Variants in DOCK2 observed in about 807,000 individuals in gnomAD.
The protein encoded by DOCK2 is dedicator of cytokinesis 2, also known as dedicator of cytokinesis protein 2.
A neutral mutation model predicts 248.9 loss-of-function variants in DOCK2; 87 were observed. The observed-to-expected ratio is 0.35, with a 90% CI of 0.29 to 0.42. The LOEUF is 0.42. Ranked by LOEUF, DOCK2 falls within the 10% of genes least tolerant of loss-of-function variation. The probability of loss-of-function intolerance (pLI) is 1.00; values close to 1 mark genes in which losing one functional copy is unlikely to be tolerated. For synonymous variants in DOCK2, 805 were observed against 821.6 expected (o/e 0.98, Z 0.35); for missense variants, 1,747 against 2,300.2 (o/e 0.76, Z 4.92).
chr5:169,968,782 A>T (rs1220685897), intron 27 of DOCK2, among the ~76,000 whole-genome samples: 1 of 152,200 alleles, frequency 6.6e-6, no homozygotes. Flanking sequence ...AAGGAGGAAG[A>T]ATTGAGTGTG....
chr5:169,966,297 CG>C (rs1777299263), intron 27 of DOCK2, among the ~76,000 whole-genome samples: 1 of 151,548 alleles, frequency 6.6e-6, no homozygotes. Context: ...TTTTGGGGGG[CG>C]GGGGTTGAGG....
chr5:169,810,635 G>C (rs1317258508), intron 26 of DOCK2, among the ~76,000 whole-genome samples: 1 of 152,160 alleles, frequency 6.6e-6, no homozygotes, highest in Non-Finnish European at 1.5e-5. Flanking sequence ...TATCATGCCA[G>C]CTCAAATGAC....
At chr5:170,011,028 C>T (rs1042496247) in intron 32 of DOCK2, among the ~76,000 whole-genome samples, 3 of 152,174 alleles carry the variant, frequency 2.0e-5, no homozygotes, top group South Asian at 4.1e-4. Flanking sequence ...CACAGAACAT[C>T]GGAGCTGGAA....
intron 27 of DOCK2, among the ~76,000 whole-genome samples, chr5:169,908,107 A>T (rs761416800): frequency 2.6e-5 from 4 of 152,214 alleles, no homozygotes; most frequent in Non-Finnish European, 4.4e-5. Context: ...GGGAAAGCCC[A>T]ATGTATTCTG....
chr5:169,713,059 C>T lies in DOCK2; in HGVS notation c.1659+836C>T, dbSNP rs79354224. ...GTGGGATGCATGGCAAACACAGCCT[C>T]GTCAAGGCTTCATCTCATAGTACTC... On this transcript the variant is annotated intron_variant, in intron 17 of 51. Transcript: ENST00000520908. Among the ~76,000 whole-genome samples the T allele has an allele frequency of 6.2e-3, 947 of 152,342 alleles. 8 individuals carry two copies. The highest frequency in any genetic ancestry group is 0.022 in the African/African-American group (906 of 41,582).
intron 27 of DOCK2, among the ~76,000 whole-genome samples, chr5:169,973,370 G>A (rs1218201243): frequency 1.3e-5 from 2 of 152,174 alleles, no homozygotes; most frequent in Non-Finnish European, 1.5e-5. Flanking sequence ...TGTTCCTGGT[G>A]AATCAGGAAT....
intron 26 of DOCK2, among the ~76,000 whole-genome samples, chr5:169,822,117 G>A (rs918977084): frequency 6.6e-6 from 1 of 152,196 alleles, no homozygotes; most frequent in African/African-American, 2.4e-5. Flanking sequence ...AGATCATAAA[G>A]CAAGTCCTTA....
intron 2 of DOCK2, among the ~76,000 whole-genome samples, chr5:169,667,185 T>G (rs1758784705): frequency 6.6e-6 from 1 of 152,030 alleles, no homozygotes; most frequent in Non-Finnish European, 1.5e-5. Context: ...TTTTGGTGGA[T>G]TTTAGTGACC....
intron 26 of DOCK2, among the ~76,000 whole-genome samples, chr5:169,830,445 A>G (rs1769152020): frequency 6.6e-6 from 1 of 152,244 alleles, no homozygotes; most frequent in Admixed American, 6.5e-5. Context: ...TGCCCAGCAC[A>G]TAGTAAGAAT....
chr5:169,916,183 T>C (rs111662635), intron 27 of DOCK2, among the ~76,000 whole-genome samples: 6,932 of 152,248 alleles, frequency 0.046, 240 homozygotes, highest in South Asian at 0.12. Flanking sequence ...ATTCTGAAAA[T>C]AGAGTCTTTT....
At chr5:170,077,913 C>T (rs1757894258) in intron 48 of DOCK2, 76 bp downstream of exon 48, 1 of 1,204,934 alleles carries the variant, frequency 8.3e-7, no homozygotes, top group East Asian at 2.5e-5. Flanking sequence ...TCTCTCTTCT[C>T]CGGCAACATC....
intron 27 of DOCK2, among the ~76,000 whole-genome samples, chr5:169,924,443 C>T (rs989256358): frequency 6.6e-6 from 1 of 152,190 alleles, no homozygotes; most frequent in Non-Finnish European, 1.5e-5. Context: ...AATCACATTT[C>T]CCTGTTGTGT....
chr5:169,708,370 C>A lies in DOCK2; in HGVS notation c.1482+103C>A, dbSNP rs146434281. ...ATAATTTATGTATTGCTTACAACAG[C>A]CGTGTGAGGTTTGTACTAATATTTC... On this transcript the variant is annotated intron_variant, in intron 15 of 51. Transcript: ENST00000520908. The A allele has an allele frequency of 1.0e-4, 116 of 1,140,944 alleles. No homozygotes were observed. In the Middle Eastern group the frequency reaches 1.4e-3, roughly 14 times the overall value. 70.7% of individuals were successfully genotyped at this position (1,140,944 alleles called of 1,614,324 possible).
intron 8 of DOCK2, among the ~76,000 whole-genome samples, chr5:169,688,099 T>C (rs1040634479): frequency 4.6e-5 from 7 of 152,138 alleles, no homozygotes; most frequent in African/African-American, 1.7e-4. Flanking sequence ...TAATTTTTTA[T>C]ATTTTTAGTA....
At chr5:169,667,117 A>G (rs749467493) in intron 2 of DOCK2, among the ~76,000 whole-genome samples, 1 of 152,178 alleles carries the variant, frequency 6.6e-6, no homozygotes, top group African/African-American at 2.4e-5. Context: ...AGAGATGCAG[A>G]TGTGGACATG....
chr5:169,807,778 G>A (rs1767476155), intron 26 of DOCK2, among the ~76,000 whole-genome samples: 1 of 131,904 alleles, frequency 7.6e-6, no homozygotes, highest in Non-Finnish European at 1.5e-5. Context: ...AGCTTGCAGT[G>A]AGCCGAGATC....
At chr5:169,709,905 G>A (rs12658902) in intron 15 of DOCK2, among the ~76,000 whole-genome samples, 52,920 of 152,102 alleles carry the variant, frequency 0.35, 10,560 homozygotes, top group East Asian at 0.61. Context: ...CCCAAAACTC[G>A]TTGACTACCG....
Position 169,804,488 on chromosome 5 carries a change from G to A in DOCK2, c.2703+1282G>A, listed in dbSNP as rs1198548705. On this transcript the variant is annotated intron_variant, in intron 26 of 51. Transcript: ENST00000520908. The stretch of plus-strand genomic sequence containing the variant: ...TGTGTGTGTGTGTGTGTGTGTGTGC[G>A]CGCGCGCGTGCGCGTAAGCATTTTT... Among the ~76,000 whole-genome samples, 23 of 75,822 alleles carry A rather than the reference G, an allele frequency of 3.0e-4. No homozygotes were observed. In the Admixed American group the frequency reaches 3.1e-3, roughly 10 times the overall value. The allele number at this position is 75,822 out of a possible 152,430, so 49.7% of individuals were successfully genotyped here. A position where few individuals can be genotyped will look rare whatever the true frequency, so the allele number is the denominator to read the frequency against.
chr5:170,077,289 T>C (rs55965710), intron 47 of DOCK2, among the ~76,000 whole-genome samples: 61,133 of 151,910 alleles, frequency 0.4, 14,656 homozygotes, highest in East Asian at 0.66. Flanking sequence ...CCATTGGCCA[T>C]GTGATGGAAA....
Sources: allele counts gnomAD v4.1 joint callset (sites outside exome capture counted in the v4.1 genomes callset), GRCh38; gene constraint gnomAD v4.1.1; transcripts MANE v1.5; gene names NCBI Gene and HGNC (gene_info 2026-07-23, HGNC 2026-07-21).